The following ITSN2 variants were observed in gnomAD, a reference collection of about 807,000 sequenced individuals.
ITSN2 encodes intersectin-2.
In ITSN2, 156 loss-of-function variants were observed where a neutral mutation model predicts 243.7. That is an observed-to-expected ratio of 0.64 (90% CI 0.56 to 0.73). ITSN2 has a LOEUF of 0.73. Ranked by LOEUF, ITSN2 falls within the 30% of genes least tolerant of loss-of-function variation. ITSN2 has a pLI of 0.00. For synonymous variants in ITSN2, 703 were observed against 699.9 expected (o/e 1.00, Z -0.07); for missense variants, 1,801 against 1,996.1 (o/e 0.90, Z 1.86).
intron 2 of ITSN2, among the ~76,000 whole-genome samples, chr2:24,324,574 A>G (rs962851382): frequency 6.6e-6 from 1 of 152,072 alleles, no homozygotes; most frequent in Non-Finnish European, 1.5e-5. Flanking sequence ...GATGAATAAA[A>G]TGAACCACTT....
intron 1 of ITSN2, among the ~76,000 whole-genome samples, chr2:24,349,109 C>T (rs1687811532): frequency 3.3e-5 from 5 of 149,952 alleles, no homozygotes; most frequent in African/African-American, 7.3e-5. Flanking sequence ...TCTACAACAA[C>T]AATAATCATC....
intron 8 of ITSN2, among the ~76,000 whole-genome samples, chr2:24,305,851 T>C (rs1682465275): frequency 6.6e-6 from 1 of 152,170 alleles, no homozygotes; most frequent in Non-Finnish European, 1.5e-5. Context: ...TGAAGTAACA[T>C]TAGGGATCAC....
At chr2:24,282,697 T>A (rs915213337) in intron 17 of ITSN2, among the ~76,000 whole-genome samples, 1 of 152,272 alleles carries the variant, frequency 6.6e-6, no homozygotes, top group Non-Finnish European at 1.5e-5. Flanking sequence ...CCCTAGAGGT[T>A]TGAGCAGGGG....
Position 24,204,237 on chromosome 2 carries a change from A to G in ITSN2, c.4936+8T>C, listed in dbSNP as rs1297285340. 1.9e-6 allele frequency: 3 copies of G among 1,613,746 alleles called. No individual in the cohort carries two copies. Among genetic ancestry groups the G allele is most frequent in the Non-Finnish European group, 2.5e-6 (3 of 1,179,946 alleles). Reference sequence around the variant, plus strand: ...AGCCTTTAGATCCCCTGGCTGAGCGACACTTACCATCTGGTGAAAACTGGT... The same window carrying G: ...AGCCTTTAGATCCCCTGGCTGAGCGGCACTTACCATCTGGTGAAAACTGGT... On this transcript the variant is annotated splice_region_variant and intron_variant, in intron 39 of 39. Coordinates refer to ENST00000355123, the MANE Select transcript of ITSN2 (RefSeq NM_006277.3). The surrounding 1 kb of genome is among the most constrained non-coding windows in gnomAD (Gnocchi z 5.1).
chr2:24,303,246 G>C (rs1390994973), intron 9 of ITSN2, among the ~76,000 whole-genome samples: 1 of 152,138 alleles, frequency 6.6e-6, no homozygotes, highest in Non-Finnish European at 1.5e-5. Flanking sequence ...GTTATCATAG[G>C]AGACAATGGC....
At chr2:24,236,860 T>C (rs867455346) in intron 29 of ITSN2, among the ~76,000 whole-genome samples, 1 of 150,328 alleles carries the variant, frequency 6.7e-6, no homozygotes, top group Non-Finnish European at 1.5e-5. Context: ...ATCTATCTTT[T>C]ATTTTTTATT....
chr2:24,316,876 G>A (rs1299303162), intron 2 of ITSN2, among the ~76,000 whole-genome samples: 1 of 152,182 alleles, frequency 6.6e-6, no homozygotes, highest in African/African-American at 2.4e-5. Context: ...CTAGCAAAAG[G>A]AAGTAGCCTT....
chr2:24,254,434 A>C lies in ITSN2; in HGVS notation c.2889-3T>G. The C allele has an allele frequency of 6.2e-7, 1 of 1,603,686 alleles. No individual in the cohort carries two copies. On this transcript the variant is annotated splice_polypyrimidine_tract_variant and splice_region_variant and intron_variant, in intron 23 of 39. Transcript: ENST00000355123. ...CAGCTGCATACAAAGCTTCTGGTCT[A>C]CCAAATATATAAACAAACAAACAAA... is the stretch of plus-strand genomic sequence containing the variant.
chr2:24,327,353 T>G (rs546407278), intron 2 of ITSN2, among the ~76,000 whole-genome samples: 1 of 152,014 alleles, frequency 6.6e-6, no homozygotes, highest in Non-Finnish European at 1.5e-5. Context: ...TGGAGTGTAG[T>G]GGCCCTATCT....
chr2:24,330,187 A>G (rs746954776), intron 1 of ITSN2, among the ~76,000 whole-genome samples: 1 of 152,270 alleles, frequency 6.6e-6, no homozygotes, highest in African/African-American at 2.4e-5. Flanking sequence ...TCCCATGGAC[A>G]CAAGGCCTTA....
chr2:24,348,651 T>A (rs1329147331), intron 1 of ITSN2, among the ~76,000 whole-genome samples: 2 of 152,198 alleles, frequency 1.3e-5, no homozygotes, highest in African/African-American at 2.4e-5. Context: ...CACACCCTAT[T>A]GCAGGGGCAG....
intron 2 of ITSN2, among the ~76,000 whole-genome samples, chr2:24,324,638 C>G (rs1024977775): frequency 6.6e-6 from 1 of 151,666 alleles, no homozygotes. Flanking sequence ...TCACTTGAGC[C>G]CAGGAGTTGA....
chr2:24,355,406 C>A (rs943788614), intron 1 of ITSN2, among the ~76,000 whole-genome samples: 1 of 152,152 alleles, frequency 6.6e-6, no homozygotes, highest in Admixed American at 6.6e-5. Flanking sequence ...TGGAGCAGAA[C>A]AGAGACCTCA....
chr2:24,353,954 A>T (rs904281167), intron 1 of ITSN2, among the ~76,000 whole-genome samples: 2 of 152,206 alleles, frequency 1.3e-5, no homozygotes, highest in African/African-American at 4.8e-5. Context: ...AATCTCAATA[A>T]AGCTATTTTG....
chr2:24,203,612 GT>G lies in ITSN2; in HGVS notation c.*13del, dbSNP rs1668535643. On this transcript the variant is annotated 3_prime_UTR_variant, in exon 40 of 40. Coordinates refer to ENST00000355123, the MANE Select transcript of ITSN2 (RefSeq NM_006277.3). ...CCTTGTGGGCTGTCCCGCTGGTGCTGTCCTTTAGAACCCCTACAGGAGAGTT... is the reference window on the plus strand; with the variant it reads ...CCTTGTGGGCTGTCCCGCTGGTGCTGCCTTTAGAACCCCTACAGGAGAGTT... The G allele has an allele frequency of 6.2e-7, 1 of 1,610,530 alleles. No homozygotes were observed. The highest frequency in any genetic ancestry group is 1.3e-5 in the African/African-American group (1 of 74,816).
At chr2:24,337,315 AATATATATATATATAT>A (rs201712131) in intron 1 of ITSN2, among the ~76,000 whole-genome samples, 17 of 32,022 alleles carry the variant, frequency 5.3e-4, no homozygotes, top group East Asian at 2.1e-3. Context: ...GTATACACAA[AATATATATATATATAT>A]ATATATATAT....
intron 2 of ITSN2, among the ~76,000 whole-genome samples, chr2:24,315,888 C>A (rs965833805): frequency 4.6e-5 from 7 of 151,996 alleles, no homozygotes; most frequent in African/African-American, 1.7e-4. Flanking sequence ...CCCTTTTTTT[C>A]ATAAATTACT....
intron 14 of ITSN2, among the ~76,000 whole-genome samples, 196 bp downstream of exon 14, chr2:24,295,468 A>T (rs756850830): frequency 9.2e-5 from 14 of 152,080 alleles, no homozygotes; most frequent in Non-Finnish European, 2.9e-5. Flanking sequence ...CACCATACCC[A>T]GCTAATTTTT....
intron 34 of ITSN2, 88 bp downstream of exon 34, chr2:24,210,692 G>A: frequency 7.8e-7 from 1 of 1,278,612 alleles, no homozygotes; most frequent in East Asian, 2.4e-5. Context: ...TGCCTAAGGT[G>A]CAGACTGTCC....
Sources: allele counts gnomAD v4.1 joint callset (sites outside exome capture counted in the v4.1 genomes callset), GRCh38; gene constraint gnomAD v4.1.1; non-coding constraint Gnocchi (gnomAD v3.1); transcripts MANE v1.5; gene names NCBI Gene and HGNC (gene_info 2026-07-23, HGNC 2026-07-21).